The following STON2 variants were observed in gnomAD, a reference collection of about 807,000 sequenced individuals.
The protein encoded by STON2 is stonin-2.
STON2 carries 29 observed loss-of-function variants against 65.7 expected under a neutral mutation model. That is an observed-to-expected ratio of 0.44 (90% confidence interval 0.33 to 0.60). STON2 has a LOEUF of 0.60. Among genes scored for constraint, STON2 ranks in the 20% least tolerant of loss-of-function variants. The pLI is 0.03. For missense variants in STON2, 1,054 were observed against 1,118.1 expected, an observed-to-expected ratio of 0.94 and a Z score of 0.82; for synonymous variants, 404 against 414.2, an observed-to-expected ratio of 0.98 and a Z score of 0.30.
upstream of STON2, among the ~76,000 whole-genome samples, chr14:81,400,625 A>G (rs369852027): frequency 6.6e-6 from 1 of 152,094 alleles, no homozygotes; most frequent in East Asian, 1.9e-4. Flanking sequence ...AGAACAGGGG[A>G]CGAAGGTGAA....
chr14:81,350,618 T>C (rs756785039), intron 4 of STON2, among the ~76,000 whole-genome samples: 4 of 152,084 alleles, frequency 2.6e-5, no homozygotes, highest in Non-Finnish European at 5.9e-5. Context: ...CTCCTAATAC[T>C]TCTAGGCCTT....
chr14:81,420,626 A>C (rs1901659339), intron 2 of STON2, among the ~76,000 whole-genome samples: 1 of 152,128 alleles, frequency 6.6e-6, no homozygotes, highest in Admixed American at 6.5e-5. Flanking sequence ...ACCTAGCCCA[A>C]TTTGGGGTCA....
chr14:81,296,952 C>A (rs1479845334), intron 5 of STON2, among the ~76,000 whole-genome samples: 1 of 152,160 alleles, frequency 6.6e-6, no homozygotes, highest in East Asian at 1.9e-4. Flanking sequence ...TCTTCAGCCA[C>A]CTGGCAAAAC....
chr14:81,281,679 G>GA (rs905232925), intron 5 of STON2, among the ~76,000 whole-genome samples: 4 of 151,944 alleles, frequency 2.6e-5, no homozygotes, highest in Non-Finnish European at 5.9e-5. Context: ...AATGAAAAGA[G>GA]AAAAAAAGGC....
intron 3 of STON2, among the ~76,000 whole-genome samples, chr14:81,374,864 C>T (rs970411834): frequency 6.6e-6 from 1 of 152,072 alleles, no homozygotes; most frequent in African/African-American, 2.4e-5. Context: ...AAAGATTTTA[C>T]TTGTCAGATT....
At chr14:81,425,477 C>T (rs539235283) in intron 2 of STON2, among the ~76,000 whole-genome samples, 115 of 152,052 alleles carry the variant, frequency 7.6e-4, no homozygotes, top group African/African-American at 2.7e-3. Flanking sequence ...GAGGCTTAGG[C>T]AGGAGAATCA....
rs1199186365 is a variant in STON2 at position 81,395,563 on chromosome 14, A to G, written c.373+331T>C. The G allele has an allele frequency of 2.3e-5, 5 of 221,100 alleles. No individual in the cohort carries two copies. The Admixed American group carries it at 2.7e-4, about 12-fold the overall frequency. The allele number at this position is 221,100 out of a possible 1,614,324, so 13.7% of individuals were successfully genotyped here. ...AGCAGAAACATTCATTTCTGTATGT[A>G]AGGTGCTTACAGTTTAGGGGCTGAG... On this transcript the variant is annotated intron_variant, in intron 3 of 7. Transcript: ENST00000614646.
At position 81,398,592 on chromosome 14, in the gene STON2, A is replaced by G. The variant is rs1402696495; in HGVS notation, c.-198-12T>C. 2 of 477,730 alleles carry G rather than the reference A, an allele frequency of 4.2e-6. No homozygotes were observed. Among genetic ancestry groups the G allele is most frequent in the Admixed American group, 7.6e-5 (2 of 26,356 alleles). The allele number at this position is 477,730 out of a possible 1,614,324, so 29.6% of individuals were successfully genotyped here. On this transcript the variant is annotated splice_polypyrimidine_tract_variant and intron_variant, in intron 1 of 7. Transcript: ENST00000614646. ...TGCCAGGCAGAAATCTGTTTAACAAACAAACAAACAAAAAATTAAAAAGGA... is the reference window on the plus strand; with the variant it reads ...TGCCAGGCAGAAATCTGTTTAACAAGCAAACAAACAAAAAATTAAAAAGGA...
chr14:81,283,311 AT>A (rs903559444), intron 5 of STON2, among the ~76,000 whole-genome samples: 20 of 152,334 alleles, frequency 1.3e-4, no homozygotes, highest in African/African-American at 4.6e-4. Flanking sequence ...AATTGTCTAC[AT>A]TTTGAACATA....
At chr14:81,340,336 G>A (rs551287286) in intron 4 of STON2, among the ~76,000 whole-genome samples, 15 of 152,258 alleles carry the variant, frequency 9.9e-5, no homozygotes, top group East Asian at 1.9e-4. Flanking sequence ...AAATGCACAC[G>A]AGGAACTATT....
intron 5 of STON2, among the ~76,000 whole-genome samples, chr14:81,319,181 T>C (rs544319934): frequency 1.2e-4 from 18 of 152,314 alleles, no homozygotes; most frequent in Non-Finnish European, 2.4e-4. Context: ...AAAACAGATT[T>C]TGTGGTTGTT....
chr14:81,264,431 T>C lies in STON2; in HGVS notation c.*3983A>G. 1 of 985,480 alleles carries C rather than the reference T, an allele frequency of 1.0e-6. No homozygotes were observed. Among genetic ancestry groups the C allele is most frequent in the Non-Finnish European group, 1.2e-6 (1 of 829,938 alleles). The allele number at this position is 985,480 out of a possible 1,614,324, so 61.0% of individuals were successfully genotyped here. On this transcript the variant is annotated 3_prime_UTR_variant, in exon 8 of 8. Coordinates refer to ENST00000614646, the MANE Select transcript of STON2 (RefSeq NM_001394390.1). The stretch of plus-strand genomic sequence containing the variant: ...TTTCAGCAAACATTTATTGAATACA[T>C]ACTCATTTTCCTTTATTTCATGAGT...
chr14:81,320,054 C>A (rs913765812), intron 5 of STON2, among the ~76,000 whole-genome samples: 3 of 152,138 alleles, frequency 2.0e-5, no homozygotes, highest in Non-Finnish European at 4.4e-5. Context: ...CTCTGCTAGG[C>A]CCACTCAAGT....
intron 4 of STON2, among the ~76,000 whole-genome samples, chr14:81,351,509 G>C (rs1227872057): frequency 6.6e-6 from 1 of 152,136 alleles, no homozygotes; most frequent in African/African-American, 2.4e-5. Flanking sequence ...CACAAAGTAA[G>C]AACTGTGTGA....
intron 4 of STON2, among the ~76,000 whole-genome samples, chr14:81,351,303 T>C (rs1380937565): frequency 6.6e-6 from 1 of 151,188 alleles, no homozygotes; most frequent in Non-Finnish European, 1.5e-5. Flanking sequence ...TGCTGAAAAC[T>C]AGAGTGTGAG....
At chr14:81,290,112 T>C (rs1895496845) in intron 5 of STON2, among the ~76,000 whole-genome samples, 1 of 152,210 alleles carries the variant, frequency 6.6e-6, no homozygotes, top group Admixed American at 6.5e-5. Flanking sequence ...CCTCTTTATA[T>C]ATAATACTTT....
chr14:81,336,827 T>G (rs572109621), intron 4 of STON2, among the ~76,000 whole-genome samples: 1 of 151,966 alleles, frequency 6.6e-6, no homozygotes, highest in Non-Finnish European at 1.5e-5. Context: ...AATTAGTGGG[T>G]GAATGAATGA....
At chr14:81,311,494 C>G (rs1193582536) in intron 5 of STON2, among the ~76,000 whole-genome samples, 2 of 152,152 alleles carry the variant, frequency 1.3e-5, no homozygotes, top group Non-Finnish European at 2.9e-5. Flanking sequence ...TACGATGAGC[C>G]AGGTACTGTA....
intron 5 of STON2, among the ~76,000 whole-genome samples, chr14:81,316,489 G>A (rs1896626298): frequency 1.3e-5 from 2 of 152,260 alleles, no homozygotes; most frequent in Non-Finnish European, 2.9e-5. Flanking sequence ...AGTAAGTAAT[G>A]CTATACTCAG....
Sources: allele counts gnomAD v4.1 joint callset (sites outside exome capture counted in the v4.1 genomes callset), GRCh38; gene constraint gnomAD v4.1.1; transcripts MANE v1.5; gene names NCBI Gene and HGNC (gene_info 2026-07-23, HGNC 2026-07-21).